The following APBB2 variants were observed in gnomAD, a reference collection of about 807,000 sequenced individuals.
The protein encoded by APBB2 is Fe65-like 1.
In APBB2, 38 loss-of-function variants were observed where a neutral mutation model predicts 82.5. The observed-to-expected ratio is 0.46, with a 90% CI of 0.36 to 0.60. The LOEUF (loss-of-function observed/expected upper bound fraction) is 0.60, where lower values mean the gene tolerates loss of function less well. Ranked by LOEUF, APBB2 falls within the 20% of genes least tolerant of loss-of-function variation. APBB2 has a pLI of 0.00. For missense variants in APBB2, 772 were observed against 972.3 expected (o/e 0.79, Z 2.74); for synonymous variants, 341 against 368.2 (o/e 0.93, Z 0.85).
intron 1 of APBB2, among the ~76,000 whole-genome samples, chr4:41,174,680 G>T (rs530411277): frequency 6.6e-6 from 1 of 152,290 alleles, no homozygotes; most frequent in Admixed American, 6.5e-5. Flanking sequence ...ACCAACTCCA[G>T]TGTTGCTGAT....
intron 17 of APBB2, among the ~76,000 whole-genome samples, chr4:40,819,334 T>C (rs949031789): frequency 2.6e-5 from 4 of 151,868 alleles, no homozygotes; most frequent in Admixed American, 6.6e-5. Context: ...TACAGGTACA[T>C]GCCACCACGC....
intron 12 of APBB2, among the ~76,000 whole-genome samples, chr4:40,839,556 A>G (rs1203156880): frequency 6.6e-6 from 1 of 152,210 alleles, no homozygotes; most frequent in Non-Finnish European, 1.5e-5. Flanking sequence ...AGGCTGGCAC[A>G]TGATAGGCAT....
chr4:41,105,361 A>G (rs1266883084), intron 2 of APBB2, among the ~76,000 whole-genome samples: 2 of 152,192 alleles, frequency 1.3e-5, no homozygotes, highest in African/African-American at 4.8e-5. Flanking sequence ...GTTTCATTTT[A>G]GCAAATAGAA....
intron 6 of APBB2, among the ~76,000 whole-genome samples, chr4:41,003,287 C>T (rs1235971388): frequency 6.6e-6 from 1 of 152,136 alleles, no homozygotes; most frequent in Admixed American, 6.5e-5. Flanking sequence ...ATATTCCACT[C>T]AAAGTCTCAC....
At chr4:41,047,709 A>G (rs1269984265) in intron 4 of APBB2, among the ~76,000 whole-genome samples, 1 of 152,210 alleles carries the variant, frequency 6.6e-6, no homozygotes, top group Admixed American at 6.5e-5. Flanking sequence ...TTAGTTTAAC[A>G]TTCTACTCCA....
intron 2 of APBB2, among the ~76,000 whole-genome samples, chr4:41,131,977 T>C (rs572883127): frequency 1.3e-5 from 2 of 151,484 alleles, no homozygotes; most frequent in South Asian, 2.1e-4. Context: ...GAGGCGGAGG[T>C]TGCAGTGAGT....
chr4:41,072,703 G>A (rs900366400), intron 3 of APBB2, among the ~76,000 whole-genome samples: 7 of 152,148 alleles, frequency 4.6e-5, no homozygotes, highest in South Asian at 2.1e-4. Context: ...TGCCCGGAGC[G>A]TGTTATTTCT....
intron 6 of APBB2, among the ~76,000 whole-genome samples, chr4:40,982,201 A>G (rs1029433184): frequency 1.6e-4 from 7 of 43,314 alleles, no homozygotes; most frequent in African/African-American, 3.7e-4. Context: ...AAAGGAAAGA[A>G]AGAAAAGAAA....
At chr4:40,972,353 G>A (rs570289261) in intron 6 of APBB2, among the ~76,000 whole-genome samples, 4 of 151,914 alleles carry the variant, frequency 2.6e-5, no homozygotes, top group East Asian at 1.9e-4. Context: ...GCATGAACCC[G>A]GGAGGCAGAG....
intron 6 of APBB2, among the ~76,000 whole-genome samples, chr4:41,009,474 G>C (rs1807713377): frequency 6.6e-6 from 1 of 152,166 alleles, no homozygotes; most frequent in South Asian, 2.1e-4. Flanking sequence ...TAAACAGCTG[G>C]AGGGGGCGAT....
intron 6 of APBB2, among the ~76,000 whole-genome samples, chr4:40,995,722 A>G (rs2154415975): frequency 6.6e-6 from 1 of 152,158 alleles, no homozygotes; most frequent in East Asian, 1.9e-4. Flanking sequence ...TTTTACAGAG[A>G]CAGGGTCTTG....
chr4:41,198,397 C>T, intron 1 of APBB2, among the ~76,000 whole-genome samples: 3 of 152,220 alleles, frequency 2.0e-5, no homozygotes, highest in Non-Finnish European at 4.4e-5. Flanking sequence ...TATCAAAAAT[C>T]ATTTCCTTTT....
At chr4:41,203,082 T>C (rs758229663) in intron 1 of APBB2, among the ~76,000 whole-genome samples, 1 of 152,062 alleles carries the variant, frequency 6.6e-6, no homozygotes, top group Non-Finnish European at 1.5e-5. Context: ...TTTTTTTTAA[T>C]TGGTTTTTCT....
chr4:41,082,496 A>C (rs1399328628), intron 3 of APBB2, among the ~76,000 whole-genome samples: 3 of 152,136 alleles, frequency 2.0e-5, no homozygotes, highest in Non-Finnish European at 2.9e-5. Context: ...GTTAATTTGA[A>C]TTTATTTGAA....
chr4:40,957,452 AG>A (rs1791940955), intron 6 of APBB2, among the ~76,000 whole-genome samples: 1 of 152,218 alleles, frequency 6.6e-6, no homozygotes, highest in Admixed American at 6.5e-5. Flanking sequence ...CTCTTTCATT[AG>A]CACGTGGCTG....
intron 12 of APBB2, chr4:40,881,453 T>C: frequency 2.3e-6 from 2 of 881,334 alleles, no homozygotes; most frequent in Non-Finnish European, 2.7e-6. Context: ...GAAACAGAGA[T>C]AACTTTCAGA....
chr4:40,960,446 GGTTTT>G (rs1792827530), intron 6 of APBB2, among the ~76,000 whole-genome samples: 1 of 120,542 alleles, frequency 8.3e-6, no homozygotes, highest in Non-Finnish European at 1.7e-5. Flanking sequence ...TTTTTTTTCG[GGTTTT>G]TTTTTTTTTT....
rs748067 is a variant in APBB2 at position 40,856,280 on chromosome 4, T to A, written c.1530-25703A>T. 2.2e-3 allele frequency among the ~76,000 whole-genome samples: 342 copies of A among 152,368 alleles called. 3 individuals carry two copies. Among genetic ancestry groups the A allele is most frequent in the African/African-American group, 7.9e-3 (327 of 41,578 alleles). On this transcript the variant is annotated intron_variant, in intron 12 of 17. Coordinates refer to ENST00000508593, the MANE Select transcript of APBB2 (RefSeq NM_004307.2). ...CACATTAATTAGGAATCCATAGACGTGCCTGGTTACAATATTGGTATAGGG... is the reference window on the plus strand; with the variant it reads ...CACATTAATTAGGAATCCATAGACGAGCCTGGTTACAATATTGGTATAGGG...
intron 2 of APBB2, among the ~76,000 whole-genome samples, chr4:41,132,318 G>C (rs1180394067): frequency 6.6e-6 from 1 of 152,164 alleles, no homozygotes; most frequent in African/African-American, 2.4e-5. Context: ...GAAGAGTTTA[G>C]AGGAATCATC....
Sources: allele counts gnomAD v4.1 joint callset (sites outside exome capture counted in the v4.1 genomes callset), GRCh38; gene constraint gnomAD v4.1.1; transcripts MANE v1.5; gene names NCBI Gene and HGNC (gene_info 2026-07-23, HGNC 2026-07-21).